The following MCC variants were observed in gnomAD, a reference collection of about 807,000 sequenced individuals.
MCC encodes the protein MCC regulator of Wnt signaling pathway, also known as colorectal mutant cancer protein.
MCC carries 90 observed loss-of-function variants against 116.2 expected under a neutral mutation model. The ratio of observed to expected loss-of-function variants is 0.77; its 90% CI spans 0.65 to 0.92. The LOEUF (loss-of-function observed/expected upper bound fraction) is 0.92. Among genes scored for constraint, MCC ranks in the 40% least tolerant of loss-of-function variants. The pLI is 0.00. For synonymous variants in MCC, 578 were observed against 510.5 expected, an observed-to-expected ratio of 1.13 and a Z score of -1.78; for missense variants, 1,516 against 1,312.2, an observed-to-expected ratio of 1.16 and a Z score of -2.40.
intron 3 of MCC, among the ~76,000 whole-genome samples, chr5:113,251,820 G>A (rs979169314): frequency 1.3e-5 from 2 of 152,156 alleles, no homozygotes; most frequent in Non-Finnish European, 2.9e-5. Context: ...TATAGGAAGT[G>A]GGAATGATGC....
chr5:113,048,111 G>A (rs959913680), intron 16 of MCC, among the ~76,000 whole-genome samples: 2 of 152,172 alleles, frequency 1.3e-5, no homozygotes, highest in Non-Finnish European at 2.9e-5. Flanking sequence ...TCACTTCTTT[G>A]AGCCTCATTT....
intron 3 of MCC, among the ~76,000 whole-genome samples, chr5:113,327,561 AAT>A (rs869214073): frequency 0.022 from 1,743 of 80,408 alleles, 40 homozygotes; most frequent in African/African-American, 0.034. Context: ...AAAAAAAAAA[AAT>A]ATATATATAT....
chr5:113,360,381 C>G (rs920655582), intron 2 of MCC, among the ~76,000 whole-genome samples: 1 of 152,078 alleles, frequency 6.6e-6, no homozygotes, highest in Non-Finnish European at 1.5e-5. Flanking sequence ...TTATATATTA[C>G]TGATTTTGGT....
At chr5:113,173,234 T>C (rs548403299) in intron 3 of MCC, among the ~76,000 whole-genome samples, 3 of 152,298 alleles carry the variant, frequency 2.0e-5, no homozygotes, top group East Asian at 1.9e-4. Context: ...TCAGATTCCA[T>C]AGCTACCAAC....
intron 1 of MCC, among the ~76,000 whole-genome samples, chr5:113,441,588 G>A (rs537913406): frequency 1.1e-4 from 16 of 152,162 alleles, no homozygotes; most frequent in African/African-American, 3.9e-4. Context: ...GTGCCATGGT[G>A]GTTTGCTGCA....
At chr5:113,473,287 G>C (rs527689987) in intron 1 of MCC, among the ~76,000 whole-genome samples, 3 of 152,226 alleles carry the variant, frequency 2.0e-5, no homozygotes, top group African/African-American at 7.2e-5. Flanking sequence ...ACTTTGGGAG[G>C]ACAAGACAGG....
At chr5:113,251,432 G>A (rs774505751) in intron 3 of MCC, among the ~76,000 whole-genome samples, 12 of 152,170 alleles carry the variant, frequency 7.9e-5, no homozygotes, top group African/African-American at 1.4e-4. Flanking sequence ...CTGATAGTTG[G>A]AAATCTCTTG....
At chr5:113,450,433 T>G (rs115468296) in intron 1 of MCC, among the ~76,000 whole-genome samples, 1 of 152,148 alleles carries the variant, frequency 6.6e-6, no homozygotes, top group Non-Finnish European at 1.5e-5. Context: ...TTGGCAAATA[T>G]AGCTGCCTTT....
rs574710122 is a variant in MCC at position 113,128,243 on chromosome 5, G to T, written c.885-5417C>A. On this transcript the variant is annotated intron_variant, in intron 5 of 18. Coordinates refer to ENST00000408903, the MANE Select transcript of MCC (RefSeq NM_001085377.2). ...TTCCATTGGATTGGAATGATTTGTG[G>T]AGAAGAGCCAGATGGTCATCTGCCT... Among the ~76,000 whole-genome samples, 319 of 152,318 alleles carry T rather than the reference G, an allele frequency of 2.1e-3. 1 individual carries two copies. Among genetic ancestry groups the T allele is most frequent in the Non-Finnish European group, 3.6e-3 (245 of 68,022 alleles).
chr5:113,139,149 C>T (rs115265479), intron 5 of MCC, among the ~76,000 whole-genome samples: 1 of 152,208 alleles, frequency 6.6e-6, no homozygotes, highest in African/African-American at 2.4e-5. Flanking sequence ...AGTAACCAAG[C>T]CCACTTCGAC....
At chr5:113,150,712 A>G (rs192969036) in intron 4 of MCC, among the ~76,000 whole-genome samples, 1 of 152,316 alleles carries the variant, frequency 6.6e-6, no homozygotes, top group East Asian at 1.9e-4. Flanking sequence ...GATGTAACAT[A>G]CAAATGATAG....
chr5:113,129,909 T>C (rs1289579814), intron 5 of MCC, among the ~76,000 whole-genome samples: 2 of 152,214 alleles, frequency 1.3e-5, no homozygotes, highest in Non-Finnish European at 2.9e-5. Context: ...ACTTCAACCA[T>C]TGTGGAAGAC....
At chr5:113,258,377 G>A (rs1765097861) in intron 3 of MCC, among the ~76,000 whole-genome samples, 1 of 152,204 alleles carries the variant, frequency 6.6e-6, no homozygotes, top group South Asian at 2.1e-4. Context: ...GGACCAGACT[G>A]GTACTGGTCT....
intron 2 of MCC, among the ~76,000 whole-genome samples, chr5:113,352,358 C>T (rs547910700): frequency 6.6e-6 from 1 of 152,088 alleles, no homozygotes; most frequent in African/African-American, 2.4e-5. Flanking sequence ...TCCTTGTGAA[C>T]CTCAAATTGG....
intron 17 of MCC, 119 bp from the exon 18 acceptor site, chr5:113,029,175 G>A (rs1381277576): frequency 2.1e-6 from 2 of 955,524 alleles, no homozygotes; most frequent in Non-Finnish European, 1.5e-6. Flanking sequence ...AAAGGCAAGG[G>A]AGAGAAAAGA....
intron 3 of MCC, among the ~76,000 whole-genome samples, chr5:113,202,247 A>C (rs1015457590): frequency 3.9e-5 from 6 of 152,084 alleles, no homozygotes; most frequent in African/African-American, 1.2e-4. Context: ...GAAGAAGCTC[A>C]AAACAAATAA....
At chr5:113,287,684 C>T (rs1475035627) in intron 3 of MCC, among the ~76,000 whole-genome samples, 1 of 152,150 alleles carries the variant, frequency 6.6e-6, no homozygotes, top group South Asian at 2.1e-4. Flanking sequence ...TGCAGCCCCA[C>T]CTGGGAGAAA....
Position 113,434,821 on chromosome 5 carries a change from G to C in MCC, c.171-49609C>G. 6.2e-7 allele frequency: 1 copy of C among 1,609,776 alleles called. No homozygotes were observed. The highest frequency in any genetic ancestry group is 2.2e-5 in the East Asian group (1 of 44,776). On this transcript the variant is annotated intron_variant, in intron 1 of 18. Coordinates refer to ENST00000408903, the MANE Select transcript of MCC (RefSeq NM_001085377.2). The surrounding 1 kb of genome is among the most constrained non-coding windows in gnomAD (Gnocchi z 4.2). ...CCCAGGAGGTAGCCTCGTCGCTTGAGGACAGCAGCGTCATCCATGGTGCCA... is the reference window on the plus strand; with the variant it reads ...CCCAGGAGGTAGCCTCGTCGCTTGACGACAGCAGCGTCATCCATGGTGCCA...
chr5:113,256,519 G>A (rs1454485366), intron 3 of MCC, among the ~76,000 whole-genome samples: 1 of 152,184 alleles, frequency 6.6e-6, no homozygotes, highest in Non-Finnish European at 1.5e-5. Context: ...AGAGGGAACA[G>A]TGTATGCAAA....
Sources: allele counts gnomAD v4.1 joint callset (sites outside exome capture counted in the v4.1 genomes callset), GRCh38; gene constraint gnomAD v4.1.1; non-coding constraint Gnocchi (gnomAD v3.1); transcripts MANE v1.5; gene names NCBI Gene and HGNC (gene_info 2026-07-23, HGNC 2026-07-21).